The following CPED1 variants were observed in gnomAD, a reference collection of about 807,000 sequenced individuals.
The protein encoded by CPED1 is cadherin like and PC-esterase domain containing 1.
CPED1 carries 114 observed loss-of-function variants against 128.2 expected under a neutral mutation model. The observed-to-expected ratio is 0.89, with a 90% CI of 0.76 to 1.04. CPED1 has a LOEUF of 1.04. Among genes scored for constraint, CPED1 ranks in the 50% least tolerant of loss-of-function variants. CPED1 has a pLI of 0.00. For missense variants in CPED1, 1,211 were observed against 1,207.1 expected, an observed-to-expected ratio of 1.00 and a Z score of -0.05; for synonymous variants, 462 against 426.7, an observed-to-expected ratio of 1.08 and a Z score of -1.02.
chr7:121,127,986 G>C (rs920936922), intron 10 of CPED1, among the ~76,000 whole-genome samples: 1 of 152,152 alleles, frequency 6.6e-6, no homozygotes, highest in Non-Finnish European at 1.5e-5. Flanking sequence ...TAGAATAGCA[G>C]TGAGTGCTCC....
intron 16 of CPED1, among the ~76,000 whole-genome samples, chr7:121,214,087 G>A (rs1797704745): frequency 6.6e-6 from 1 of 152,054 alleles, no homozygotes; most frequent in East Asian, 1.9e-4. Flanking sequence ...ATGCCTCACA[G>A]TTTGGAATTA....
intron 22 of CPED1, among the ~76,000 whole-genome samples, chr7:121,287,059 G>A (rs1338637793): frequency 6.6e-6 from 1 of 152,122 alleles, no homozygotes; most frequent in Non-Finnish European, 1.5e-5. Flanking sequence ...AAACAGCATG[G>A]AGGAAACCAC....
intron 4 of CPED1, chr7:121,050,806 A>AGGCGGCGGGAGGAGC: frequency 2.2e-6 from 1 of 459,240 alleles, no homozygotes; most frequent in Non-Finnish European, 4.4e-6. Context: ...TCAGCAGCTC[A>AGGCGGCGGGAGGAGC]GGCGGCGGGA....
At chr7:121,282,518 C>CTTA (rs2116774460) in intron 22 of CPED1, among the ~76,000 whole-genome samples, 1 of 152,280 alleles carries the variant, frequency 6.6e-6, no homozygotes, top group East Asian at 1.9e-4. Context: ...ATTTCCAAGC[C>CTTA]TTAAAAATGT....
rs747941752 is a variant in CPED1 at position 120,989,667 on chromosome 7, CG to C, written c.47del (p.Arg16HisfsTer7). 7.4e-6 allele frequency: 12 copies of C among 1,613,890 alleles called. No individual in the cohort carries two copies. The highest frequency in any genetic ancestry group is 1.3e-5 in the African/African-American group (1 of 74,844). ...CCCTTGTCGTCGGCGATTTTGCCCCCGACCCTTCTTGGTGGGCTTAGTGGTG... is the reference window on the plus strand; with the variant it reads ...CCCTTGTCGTCGGCGATTTTGCCCCCACCCTTCTTGGTGGGCTTAGTGGTG... Reference protein sequence around the residue: ...VFPCRRRFCPRPFLVGLVVAI... With the variant: ...VFPCRRRFCPXPFLVGLVVAI... On this transcript the variant is annotated frameshift_variant, in exon 2 of 23. Coordinates refer to ENST00000310396, the MANE Select transcript of CPED1 (RefSeq NM_024913.5). LOFTEE classifies it high-confidence loss of function.
chr7:121,073,143 A>G (rs1311717875), intron 5 of CPED1, among the ~76,000 whole-genome samples: 1 of 152,224 alleles, frequency 6.6e-6, no homozygotes, highest in East Asian at 1.9e-4. Flanking sequence ...TAAACAGTCA[A>G]TTAACACATA....
intron 4 of CPED1, among the ~76,000 whole-genome samples, chr7:121,057,577 C>T (rs1793534764): frequency 1.3e-5 from 2 of 152,192 alleles, no homozygotes; most frequent in Admixed American, 1.3e-4. Flanking sequence ...AATGGCTTTA[C>T]ACTAAATTTA....
At chr7:121,141,059 G>T in intron 15 of CPED1, 46 bp downstream of exon 15, 2 of 1,445,784 alleles carry the variant, frequency 1.4e-6, no homozygotes, top group Non-Finnish European at 1.8e-6. Context: ...ATACTGGGAA[G>T]TAGACATTTG....
At chr7:121,083,019 G>T (rs1794331225) in intron 5 of CPED1, among the ~76,000 whole-genome samples, 1 of 152,116 alleles carries the variant, frequency 6.6e-6, no homozygotes, top group Non-Finnish European at 1.5e-5. Context: ...TCTTTCTCTT[G>T]CTTTGTCTTA....
intron 16 of CPED1, among the ~76,000 whole-genome samples, chr7:121,188,368 A>T (rs186476689): frequency 9.2e-4 from 140 of 152,278 alleles, no homozygotes; most frequent in African/African-American, 3.3e-3. Context: ...TAAGCACATG[A>T]TAGAGAATGG....
intron 16 of CPED1, among the ~76,000 whole-genome samples, chr7:121,231,786 G>A (rs1798146613): frequency 6.6e-6 from 1 of 152,116 alleles, no homozygotes; most frequent in East Asian, 1.9e-4. Context: ...GAAGAGGCAG[G>A]AATAAGGTAG....
chr7:121,015,527 T>G, intron 2 of CPED1, 138 bp from the exon 3 acceptor site: 1 of 711,966 alleles, frequency 1.4e-6, no homozygotes, highest in Non-Finnish European at 2.3e-6. Context: ...CTTGTCAGCC[T>G]TTCAGAGAAA....
chr7:121,234,352 T>C (rs1172465263), intron 16 of CPED1, among the ~76,000 whole-genome samples: 1 of 152,058 alleles, frequency 6.6e-6, no homozygotes, highest in African/African-American at 2.4e-5. Flanking sequence ...ATTATTTGCA[T>C]GGGTATATAT....
chr7:121,222,183 G>C (rs1797894287), intron 16 of CPED1, among the ~76,000 whole-genome samples: 1 of 152,164 alleles, frequency 6.6e-6, no homozygotes, highest in African/African-American at 2.4e-5. Context: ...TAGCTAGCCA[G>C]TTTTCCCAGC....
At chr7:121,042,324 C>T (rs551030081) in intron 3 of CPED1, among the ~76,000 whole-genome samples, 1 of 152,022 alleles carries the variant, frequency 6.6e-6, no homozygotes, top group Non-Finnish European at 1.5e-5. Flanking sequence ...TCTAGGGATA[C>T]CTGAGTTATA....
At chr7:121,100,140 T>C in intron 7 of CPED1, 46 bp downstream of exon 7, 1 of 1,564,902 alleles carries the variant, frequency 6.4e-7, no homozygotes, top group Non-Finnish European at 8.8e-7. Flanking sequence ...TACACTGAAG[T>C]AAAGTAAAGT....
chr7:120,993,910 T>C, intron 2 of CPED1: 1 of 279,296 alleles, frequency 3.6e-6, no homozygotes, highest in Non-Finnish European at 7.4e-6. Context: ...GGTTGAGTTT[T>C]TTGGCTTCTC....
chr7:121,217,693 A>ATGAT (rs1797788098), intron 16 of CPED1, among the ~76,000 whole-genome samples: 1 of 151,820 alleles, frequency 6.6e-6, no homozygotes, highest in Non-Finnish European at 1.5e-5. Flanking sequence ...AGTTAACACA[A>ATGAT]TGATTCATTC....
At chr7:121,266,683 G>A (rs765689105) in intron 19 of CPED1, 24 bp from the exon 20 acceptor site, 56 of 1,567,072 alleles carry the variant, frequency 3.6e-5, no homozygotes, top group Non-Finnish European at 4.8e-5. Context: ...GGCAACATGT[G>A]TTGTTTTTCT....
Sources: allele counts gnomAD v4.1 joint callset (sites outside exome capture counted in the v4.1 genomes callset), GRCh38; gene constraint gnomAD v4.1.1; transcripts MANE v1.5; gene names NCBI Gene and HGNC (gene_info 2026-07-23, HGNC 2026-07-21).